The following CCDC187 variants were observed in gnomAD, a reference collection of about 807,000 sequenced individuals.
The protein encoded by CCDC187 is coiled-coil domain-containing protein 187.
In CCDC187, 32 loss-of-function variants were observed where a neutral mutation model predicts 38.0. The ratio of observed to expected loss-of-function variants is 0.84; its 90% CI spans 0.64 to 1.13. The LOEUF (loss-of-function observed/expected upper bound fraction) is 1.13, where lower values mean the gene tolerates loss of function less well. Among genes scored for constraint, CCDC187 ranks in the 50% most tolerant of loss-of-function variants. CCDC187 has a pLI of 0.00. For synonymous variants in CCDC187, 333 were observed against 347.9 expected (o/e 0.96, Z 0.48); for missense variants, 707 against 786.8 (o/e 0.90, Z 1.21).
intron 4 of CCDC187, chr9:136,296,217 T>C (rs1831531876): frequency 6.6e-6 from 1 of 152,340 alleles, no homozygotes; most frequent in African/African-American, 2.4e-5. Flanking sequence ...GTGGAGAAAC[T>C]GAGGCATGGA....
chr9:136,298,552 T>C (rs2131352525), intron 3 of CCDC187, among the ~76,000 whole-genome samples: 1 of 152,254 alleles, frequency 6.6e-6, no homozygotes, highest in Non-Finnish European at 1.5e-5. Context: ...ACCTGCCTTG[T>C]CCCCATGGGT....
intron 4 of CCDC187, among the ~76,000 whole-genome samples, chr9:136,293,360 TTCACATGCTC>T (rs1831407727): frequency 2.3e-5 from 2 of 87,578 alleles, no homozygotes; most frequent in African/African-American, 9.8e-5. Context: ...CTCACACACA[TTCACATGCTC>T]ACACACTCAC....
chr9:136,291,986 G>A (rs1340758043), intron 5 of CCDC187, among the ~76,000 whole-genome samples, 175 bp downstream of exon 5: 1 of 152,204 alleles, frequency 6.6e-6, no homozygotes, highest in South Asian at 2.1e-4. Flanking sequence ...AACACTTATT[G>A]CCCAAAGTCC....
Position 136,289,972 on chromosome 9 carries a change from C to T in CCDC187, c.2209G>A (p.Glu737Lys), listed in dbSNP as rs1831277329. Reference protein sequence around the residue: ...VTSGMVLGGQEAPGSFCLCLN... With the variant: ...VTSGMVLGGQKAPGSFCLCLN... ...TTTCACACCCACCTGCCTGGGGCTT[C>T]CTGGCCCCCCAGCACCATGCCAGAG... The change falls in exon 7 of 26, where the codon GAA becomes AAA. Residue 737 changes from glutamate to lysine, a missense_variant. Glu to Lys is a moderately conservative substitution (Grantham distance 56, BLOSUM62 1). Coordinates refer to ENST00000638797, the MANE Select transcript of CCDC187 (RefSeq NM_001378188.1). 2 of 395,538 alleles carry T rather than the reference C, an allele frequency of 5.1e-6. No individual in the cohort carries two copies. Among genetic ancestry groups the T allele is most frequent in the South Asian group, 1.3e-4 (1 of 7,818 alleles). The allele number at this position is 395,538 out of a possible 1,614,324, so 24.5% of individuals were successfully genotyped here. A position where few individuals can be genotyped will look rare whatever the true frequency, so the allele number is the denominator to read the frequency against.
Position 136,281,284 on chromosome 9 carries a change from G to A in CCDC187, c.3040+267C>T, listed in dbSNP as rs1043412716. On this transcript the variant is annotated intron_variant, in intron 10 of 25. Transcript: ENST00000638797. The stretch of plus-strand genomic sequence containing the variant: ...CCCTAGGAGGTGGGCTGGGCACAGC[G>A]GCACGGGGCATGGCTGTCATGAAAT... The A allele has an allele frequency of 1.4e-3, 556 of 397,716 alleles. 3 individuals are homozygous for A. Among genetic ancestry groups the A allele is most frequent in the African/African-American group, 0.01 (489 of 48,748 alleles). 24.6% of individuals were successfully genotyped at this position (397,716 alleles called of 1,614,324 possible).
intron 9 of CCDC187, among the ~76,000 whole-genome samples, chr9:136,284,761 C>T (rs1394983416): frequency 6.6e-6 from 1 of 151,994 alleles, no homozygotes; most frequent in South Asian, 2.1e-4. Flanking sequence ...GAGATCCAAA[C>T]GTGTTCACAA....
chr9:136,286,048 C>T, intron 8 of CCDC187, 37 bp downstream of exon 8: 1 of 398,168 alleles, frequency 2.5e-6, no homozygotes, highest in Non-Finnish European at 4.4e-6. Context: ...GACCCCCTGG[C>T]CACCCAGCGG....
rs562447559 is a variant in CCDC187, at chr9:136,260,320, G to A, written c.4065-56C>T. ...CCCGCCCGGCTGCCCCTTCCCAGGT[G>A]TCCAGCCCTGGCCACAACCTCCACC... On this transcript the variant is annotated intron_variant, in intron 19 of 25. Coordinates refer to ENST00000638797, the MANE Select transcript of CCDC187 (RefSeq NM_001378188.1). The A allele has an allele frequency of 4.6e-4, 454 of 984,486 alleles. 2 individuals are homozygous for A. In the African/African-American group the frequency reaches 7.6e-3, roughly 17 times the overall value. 61.0% of individuals were successfully genotyped at this position (984,486 alleles called of 1,614,324 possible).
In CCDC187 at chr9:136,291,620, G is replaced by C. The variant is rs978001787; in HGVS notation, c.993C>G (p.Ala331=). The C allele has an allele frequency of 2.5e-6, 1 of 398,700 alleles. No homozygotes were observed. 24.7% of individuals were successfully genotyped at this position (398,700 alleles called of 1,614,324 possible). A position where few individuals can be genotyped will look rare whatever the true frequency, so the allele number is the denominator to read the frequency against. Residue 331 remains alanine (A), a synonymous_variant, in exon 6 of 26, where the codon GCC becomes GCG. Coordinates refer to ENST00000638797, the MANE Select transcript of CCDC187 (RefSeq NM_001378188.1). ...ACTGGGCACAAACCGGTGAGCACTT[G>C]GCAGCTATGACTTTCTCGCTGTCTC... is the stretch of plus-strand genomic sequence containing the variant. ...DLGDSEKVIA[A]KCSPVCAQLP...
At chr9:136,293,786 C>T (rs891724120) in intron 4 of CCDC187, among the ~76,000 whole-genome samples, 37 of 151,564 alleles carry the variant, frequency 2.4e-4, no homozygotes, top group Non-Finnish European at 4.6e-4. Context: ...ACGGTCTCAT[C>T]CTCACACACT....
At position 136,254,314 on chromosome 9, in the gene CCDC187, T is replaced by G. The variant is rs547148184; in HGVS notation, c.5514A>C (p.Pro1838=). 1.6e-3 allele frequency: 1,539 copies of G among 976,124 alleles called. 4 individuals carry two copies. The highest frequency in any genetic ancestry group is 4.5e-3 in the South Asian group (95 of 21,044). 60.5% of individuals were successfully genotyped at this position (976,124 alleles called of 1,614,324 possible). ...AAGCTTCCAGCCCCTCCCCAGGCCA[T>G]GGGGACGGAAGAGCCACCTGGGGCT... ...GMEPQVALPS[P]WPGEGLEASG... The change falls in exon 26 of 26, where the codon CCA becomes CCC. Residue 1838 remains proline, a synonymous_variant. Coordinates refer to ENST00000638797, the MANE Select transcript of CCDC187 (RefSeq NM_001378188.1).
At chr9:136,294,011 C>T (rs933962943) in intron 4 of CCDC187, among the ~76,000 whole-genome samples, 144 of 151,320 alleles carry the variant, frequency 9.5e-4, no homozygotes, top group Non-Finnish European at 1.7e-3. Flanking sequence ...TATACACACG[C>T]CCTCACATGC....
intron 14 of CCDC187, among the ~76,000 whole-genome samples, chr9:136,273,399 A>C (rs1382596581): frequency 6.6e-6 from 1 of 152,218 alleles, no homozygotes; most frequent in Non-Finnish European, 1.5e-5. Flanking sequence ...TAGCCTCTGA[A>C]GCGAAGGATA....
intron 25 of CCDC187, 34 bp from the exon 26 acceptor site, chr9:136,255,168 C>G: frequency 1.0e-6 from 1 of 971,058 alleles, no homozygotes; most frequent in Non-Finnish European, 1.2e-6. Flanking sequence ...TGGTCACCCT[C>G]TGCACCCTGG....
In CCDC187 at chr9:136,263,136, C is replaced by A. The variant is rs562054331; in HGVS notation, c.3912+486G>T. Among the ~76,000 whole-genome samples the A allele has an allele frequency of 1.6e-3, 250 of 151,902 alleles. 2 individuals are homozygous for A. The highest frequency in any genetic ancestry group is 5.9e-3 in the African/African-American group (246 of 41,408). ...CTCTGCTCTAGGGCCTGGCCAGGAC[C>A]ACCCCATCCAGGAAGCCTCCTCAGC... On this transcript the variant is annotated intron_variant, in intron 18 of 25. Transcript: ENST00000638797.
At chr9:136,263,314 G>A (rs1830702183) in intron 18 of CCDC187, among the ~76,000 whole-genome samples, 1 of 147,906 alleles carries the variant, frequency 6.8e-6, no homozygotes, top group Admixed American at 6.9e-5. Context: ...GCTCACTGCA[G>A]ACTCCGCCCC....
chr9:136,259,141 T>C, intron 21 of CCDC187, 140 bp from the exon 22 acceptor site: 1 of 674,976 alleles, frequency 1.5e-6, no homozygotes, highest in Non-Finnish European at 1.8e-6. Flanking sequence ...CAGGGACAGA[T>C]GGGGACAGGC....
intron 3 of CCDC187, among the ~76,000 whole-genome samples, chr9:136,298,435 A>T (rs984124531): frequency 6.6e-6 from 1 of 152,076 alleles, no homozygotes; most frequent in Admixed American, 6.5e-5. Context: ...GCGGCCACCG[A>T]GAGGGCCCGG....
intron 4 of CCDC187, among the ~76,000 whole-genome samples, chr9:136,296,831 C>T (rs2131344986): frequency 6.6e-6 from 1 of 152,304 alleles, no homozygotes; most frequent in East Asian, 1.9e-4. Flanking sequence ...CTGGGATCCA[C>T]CCACAGGATT....
Sources: allele counts gnomAD v4.1 joint callset (sites outside exome capture counted in the v4.1 genomes callset), GRCh38; gene constraint gnomAD v4.1.1; transcripts MANE v1.5; gene names NCBI Gene and HGNC (gene_info 2026-07-23, HGNC 2026-07-21).